The following IGFBP7 variants were observed in gnomAD, a reference collection of about 807,000 sequenced individuals.
IGFBP7 encodes the protein insulin like growth factor binding protein 7.
In IGFBP7, 31 loss-of-function variants were observed where a neutral mutation model predicts 29.4. That is an observed-to-expected ratio of 1.05 (90% CI 0.79 to 1.42). The LOEUF is 1.42. IGFBP7 is among the 40% of genes most tolerant of loss of function. IGFBP7 has a pLI of 0.00. For synonymous variants in IGFBP7, 172 were observed against 174.9 expected (o/e 0.98, Z 0.13); for missense variants, 393 against 395.5 (o/e 0.99, Z 0.05).
chr4:57,096,073 T>C (rs893292112), intron 1 of IGFBP7, among the ~76,000 whole-genome samples: 1 of 151,860 alleles, frequency 6.6e-6, no homozygotes, highest in East Asian at 1.9e-4. Context: ...AATAGAAAGA[T>C]TGGATCATGT....
At chr4:57,032,150 T>C (rs1723947505) in intron 4 of IGFBP7, 6 of 524,716 alleles carry the variant, frequency 1.1e-5, no homozygotes, top group Non-Finnish European at 1.7e-5. Flanking sequence ...TAGAAAGCTA[T>C]GGGAAATAGA....
chr4:57,046,538 C>T (rs1398442192), intron 1 of IGFBP7, among the ~76,000 whole-genome samples: 3 of 152,126 alleles, frequency 2.0e-5, no homozygotes, highest in African/African-American at 7.2e-5. Context: ...AGGGTAATAA[C>T]AACATTATCA....
chr4:57,077,121 AGAAAAAC>A (rs1725245805), intron 1 of IGFBP7, among the ~76,000 whole-genome samples: 1 of 89,588 alleles, frequency 1.1e-5, no homozygotes, highest in South Asian at 4.4e-4. Context: ...GTGTGGAAAC[AGAAAAAC>A]AAAAAACAAA....
chr4:57,032,594 T>C, intron 3 of IGFBP7, 42 bp from the exon 4 acceptor site: 1 of 1,494,366 alleles, frequency 6.7e-7, no homozygotes, highest in Non-Finnish European at 9.3e-7. Context: ...GTGGTGGTCT[T>C]CTCTTTTGTC....
chr4:57,108,913 C>G (rs1189158487), intron 1 of IGFBP7, among the ~76,000 whole-genome samples: 1 of 152,110 alleles, frequency 6.6e-6, no homozygotes, highest in Non-Finnish European at 1.5e-5. Context: ...CAAACATAAT[C>G]TCAAAGACAT....
intron 1 of IGFBP7, among the ~76,000 whole-genome samples, chr4:57,085,762 T>C (rs1200407894): frequency 6.6e-6 from 1 of 152,224 alleles, no homozygotes; most frequent in Non-Finnish European, 1.5e-5. Context: ...AAGGAGACAT[T>C]GTCCAAAATA....
chr4:57,046,450 G>A (rs572077016), intron 1 of IGFBP7, among the ~76,000 whole-genome samples: 2 of 152,188 alleles, frequency 1.3e-5, no homozygotes, highest in African/African-American at 4.8e-5. Context: ...CTGTTTTTAA[G>A]AATAAAGAAA....
intron 1 of IGFBP7, among the ~76,000 whole-genome samples, chr4:57,092,888 T>G (rs1725672996): frequency 6.6e-6 from 1 of 151,570 alleles, no homozygotes; most frequent in African/African-American, 2.4e-5. Flanking sequence ...AAAATATTAG[T>G]TATAAATTTA....
chr4:57,072,674 C>G, intron 1 of IGFBP7: 1 of 372,758 alleles, frequency 2.7e-6, no homozygotes, highest in Non-Finnish European at 5.2e-6. Flanking sequence ...GGGTGCTGCC[C>G]GGTACCTTGT....
At chr4:57,050,651 C>T (rs1207411129) in intron 1 of IGFBP7, among the ~76,000 whole-genome samples, 1 of 151,912 alleles carries the variant, frequency 6.6e-6, no homozygotes, top group Non-Finnish European at 1.5e-5. Context: ...TCTCATGGGT[C>T]CTTCTGCCTC....
chr4:57,074,153 C>T (rs578206922), intron 1 of IGFBP7, among the ~76,000 whole-genome samples: 15 of 152,248 alleles, frequency 9.9e-5, no homozygotes, highest in African/African-American at 3.6e-4. Context: ...CTCCACCTCC[C>T]AAGTTCAAGC....
chr4:57,072,951 A>T, intron 1 of IGFBP7: 1 of 801,012 alleles, frequency 1.2e-6, no homozygotes, highest in Non-Finnish European at 2.2e-6. Context: ...ATCCTGAAGG[A>T]CAAGTGGTCT....
intron 1 of IGFBP7, among the ~76,000 whole-genome samples, chr4:57,079,455 G>C (rs1714008): frequency 1.3e-5 from 2 of 151,880 alleles, no homozygotes; most frequent in South Asian, 4.1e-4. Context: ...ACATTAACAC[G>C]GTCCTCCTTT....
At chr4:57,073,063 A>AC (rs1725097356) in intron 1 of IGFBP7, 1 of 1,444,558 alleles carries the variant, frequency 6.9e-7, no homozygotes, top group Non-Finnish European at 9.7e-7. Flanking sequence ...AGCTCTGGAA[A>AC]CCCCCCACAG....
At chr4:57,083,838 T>C (rs1407691738) in intron 1 of IGFBP7, among the ~76,000 whole-genome samples, 1 of 152,234 alleles carries the variant, frequency 6.6e-6, no homozygotes, top group Admixed American at 6.5e-5. Flanking sequence ...ATTAGTTTTA[T>C]TTTTCTTGAA....
In IGFBP7 at chr4:57,040,841, C is replaced by T. The variant is rs1181924216; in HGVS notation, c.568G>A (p.Val190Ile). The change falls in exon 2 of 5, where the codon GTC (valine) becomes ATC (isoleucine). Residue 190 changes from valine to isoleucine, a missense_variant. Transcript: ENST00000295666. ...CCACAGACCTTGTTCCAGATGAGGA[C>T]AGGTGTCGGGATTCCGATGACCTCA... ...SCEVIGIPTP[V>I]LIWNKVKRGH... The T allele has an allele frequency of 6.2e-7, 1 of 1,612,274 alleles. No homozygotes were observed. The highest frequency in any genetic ancestry group is 8.5e-7 in the Non-Finnish European group (1 of 1,178,312).
intron 1 of IGFBP7, among the ~76,000 whole-genome samples, chr4:57,108,827 G>A (rs4865186): frequency 0.97 from 148,323 of 152,290 alleles, 72,353 homozygotes; most frequent in East Asian, 1. Context: ...GATTACAGAC[G>A]TGAGCCAACC....
Position 57,110,148 on chromosome 4 carries a change from G to T in IGFBP7, c.204C>A (p.Gly68=). 2 of 1,471,878 alleles carry T rather than the reference G, an allele frequency of 1.4e-6. No individual in the cohort carries two copies. The highest frequency in any genetic ancestry group is 2.6e-5 in the South Asian group (2 of 76,032). The allele number at this position is 1,471,878 out of a possible 1,614,324, so 91.2% of individuals were successfully genotyped here. ...CGGCGCCGCCACCCCCGCACGGCTC[G>T]CCCTCGCCGCGGGCGCACATAGGGC... ...GCCPMCARGE[G]EPCGGGGAGR... is the part of the protein sequence containing the mutation. Residue 68 remains glycine (G), a synonymous_variant, in exon 1 of 5, where the codon GGC becomes GGA. Coordinates refer to ENST00000295666, the MANE Select transcript of IGFBP7 (RefSeq NM_001553.3).
At chr4:57,041,432 T>C (rs56007441) in intron 1 of IGFBP7, among the ~76,000 whole-genome samples, 7,702 of 152,232 alleles carry the variant, frequency 0.051, 260 homozygotes, top group East Asian at 0.15. Flanking sequence ...TCAAGAAGCT[T>C]AGGATCTAAG....
Sources: gnomAD v4.1 joint callset for allele counts (sites outside exome capture counted in the v4.1 genomes callset) on GRCh38, gnomAD v4.1.1 for gene constraint, MANE v1.5 for transcripts, NCBI Gene and HGNC (gene_info 2026-07-23, HGNC 2026-07-21) for gene names.